Variants in DAPK1 observed in about 807,000 individuals in gnomAD.
The protein encoded by DAPK1 is death associated protein kinase 1.
A neutral mutation model predicts 144.9 loss-of-function variants in DAPK1; 56 were observed. That is an observed-to-expected ratio of 0.39 (90% CI 0.31 to 0.48). The LOEUF is 0.48. Among genes scored for constraint, DAPK1 ranks in the 20% least tolerant of loss-of-function variants. The probability of loss-of-function intolerance (pLI) is 0.95; values close to 1 mark genes in which losing one functional copy is unlikely to be tolerated. For missense variants in DAPK1, 1,454 were observed against 1,875.4 expected, an observed-to-expected ratio of 0.78 and a Z score of 4.15; for synonymous variants, 690 against 749.0, an observed-to-expected ratio of 0.92 and a Z score of 1.29.
chr9:87,618,106 G>T (rs1829164488), intron 3 of DAPK1, among the ~76,000 whole-genome samples: 1 of 152,170 alleles, frequency 6.6e-6, no homozygotes, highest in Non-Finnish European at 1.5e-5. Context: ...CTCTCCTGTT[G>T]AGCTCACCCC....
chr9:87,656,986 G>C (rs1020508139), intron 17 of DAPK1, among the ~76,000 whole-genome samples: 17 of 152,092 alleles, frequency 1.1e-4, no homozygotes, highest in African/African-American at 4.1e-4. Flanking sequence ...AGGTTGCTTG[G>C]ATTTTTAAAA....
intron 18 of DAPK1, among the ~76,000 whole-genome samples, chr9:87,667,189 A>C (rs1831090460): frequency 6.6e-6 from 1 of 152,218 alleles, no homozygotes; most frequent in Non-Finnish European, 1.5e-5. Context: ...GCAGTGTCTG[A>C]TAAGGCACCT....
intron 3 of DAPK1, among the ~76,000 whole-genome samples, chr9:87,629,781 T>C (rs574002981): frequency 6.6e-6 from 1 of 152,330 alleles, no homozygotes; most frequent in Non-Finnish European, 1.5e-5. Context: ...TTCAGTGTTA[T>C]CTGCTGTCCT....
intron 20 of DAPK1, among the ~76,000 whole-genome samples, chr9:87,682,408 T>C (rs770378378): frequency 6.6e-6 from 1 of 152,320 alleles, no homozygotes. Context: ...AAGAGTTTCC[T>C]AAACCAGGAC....
intron 24 of DAPK1, chr9:87,701,774 G>A (rs1377260847): frequency 2.2e-5 from 9 of 410,334 alleles, no homozygotes; most frequent in African/African-American, 4.3e-5. Flanking sequence ...TGTGCTTCCC[G>A]CACCAGATTC....
At chr9:87,677,803 C>T (rs773205753) in intron 19 of DAPK1, among the ~76,000 whole-genome samples, 8 of 152,170 alleles carry the variant, frequency 5.3e-5, no homozygotes, top group Non-Finnish European at 7.3e-5. Context: ...TAGCCTTGGA[C>T]TCACAAGGAA....
At chr9:87,600,414 C>CT (rs1173767442) in intron 2 of DAPK1, among the ~76,000 whole-genome samples, 1 of 152,082 alleles carries the variant, frequency 6.6e-6, no homozygotes, top group African/African-American at 2.4e-5. Context: ...GAGCGAGACT[C>CT]TATCTCTGCA....
intron 2 of DAPK1, among the ~76,000 whole-genome samples, chr9:87,571,256 C>T (rs1827319665): frequency 6.6e-6 from 1 of 152,012 alleles, no homozygotes; most frequent in African/African-American, 2.4e-5. Flanking sequence ...TTTCTCTCTG[C>T]AGAGTCAGCA....
intron 2 of DAPK1, among the ~76,000 whole-genome samples, chr9:87,499,997 T>C (rs1238678435): frequency 6.6e-6 from 1 of 152,124 alleles, no homozygotes; most frequent in Non-Finnish European, 1.5e-5. Context: ...GTGAGTGGAG[T>C]AGGCAAAAGG....
At chr9:87,649,018 C>G (rs1349369684) in intron 15 of DAPK1, 139 bp downstream of exon 15, 2 of 719,442 alleles carry the variant, frequency 2.8e-6, no homozygotes, top group Non-Finnish European at 4.7e-6. Flanking sequence ...GCTCAAGGGG[C>G]AGGGACTCAA....
rs1181397283 is a variant in DAPK1 at position 87,681,442 on chromosome 9, C to T, written c.2040C>T (p.Pro680=). 3 of 1,613,204 alleles carry T rather than the reference C, an allele frequency of 1.9e-6. No homozygotes were observed. The highest frequency in any genetic ancestry group is 2.5e-6 in the Non-Finnish European group (3 of 1,179,164). ...GACTCTTCATCCAGCAGCTCCGACCCACACAGAACCTGCAGCCAAGAATTA... is the reference window on the plus strand; with the variant it reads ...GACTCTTCATCCAGCAGCTCCGACCTACACAGAACCTGCAGCCAAGAATTA... ...HRGLFIQQLR[P]TQNLQPRIKL... is the part of the protein sequence containing the mutation. Residue 680 remains proline (P), a synonymous_variant, in exon 20 of 26, where the codon CCC becomes CCT. Coordinates refer to ENST00000408954, the MANE Select transcript of DAPK1 (RefSeq NM_004938.4).
At chr9:87,641,936 G>A (rs1232979439) in intron 9 of DAPK1, 33 bp from the exon 10 acceptor site, 8 of 1,556,684 alleles carry the variant, frequency 5.1e-6, no homozygotes, top group African/African-American at 1.4e-5. Context: ...TAATTTGAGA[G>A]CTTTAATTTT....
chr9:87,676,419 G>A (rs1824383619), intron 19 of DAPK1, among the ~76,000 whole-genome samples: 1 of 152,214 alleles, frequency 6.6e-6, no homozygotes, highest in Non-Finnish European at 1.5e-5. Context: ...CCCGCCATCT[G>A]GTAGTGAAAC....
At chr9:87,705,176 G>T (rs186881030) in intron 25 of DAPK1, among the ~76,000 whole-genome samples, 3 of 148,356 alleles carry the variant, frequency 2.0e-5, no homozygotes, top group African/African-American at 7.5e-5. Flanking sequence ...TAGAGAAGTT[G>T]CAAGGATAGT....
chr9:87,632,350 A>T (rs1343106816), intron 3 of DAPK1: 111 of 984,160 alleles, frequency 1.1e-4, no homozygotes, highest in Non-Finnish European at 1.3e-4. Context: ...ATGAGTACAT[A>T]TGTAGGGATG....
Position 87,512,245 on chromosome 9 carries a change from A to G in DAPK1, c.62+13106A>G, listed in dbSNP as rs538792287. 1.4e-4 allele frequency among the ~76,000 whole-genome samples: 21 copies of G among 152,220 alleles called. No individual in the cohort carries two copies. The South Asian group carries it at 4.1e-3, about 30-fold the overall frequency. ...GCTTAAAAGCCATCTTAAGTGGCCAAATAAGACACTGGGAATTTGATTAGG... is the reference window on the plus strand; with the variant it reads ...GCTTAAAAGCCATCTTAAGTGGCCAGATAAGACACTGGGAATTTGATTAGG... On this transcript the variant is annotated intron_variant, in intron 2 of 25. Transcript: ENST00000408954.
chr9:87,519,998 G>GT, intron 2 of DAPK1, among the ~76,000 whole-genome samples: 1 of 150,234 alleles, frequency 6.7e-6, no homozygotes, highest in Non-Finnish European at 1.5e-5. Flanking sequence ...TTTTTTTGTT[G>GT]TTGTTAATAA....
chr9:87,645,004 G>A (rs954529653), intron 11 of DAPK1, among the ~76,000 whole-genome samples: 3 of 152,164 alleles, frequency 2.0e-5, no homozygotes, highest in Non-Finnish European at 2.9e-5. Flanking sequence ...CATGAAAAGT[G>A]TTTGGATTCA....
chr9:87,515,550 G>A (rs1825018513), intron 2 of DAPK1, among the ~76,000 whole-genome samples: 3 of 152,194 alleles, frequency 2.0e-5, no homozygotes, highest in African/African-American at 4.8e-5. Flanking sequence ...TGGGAGCCAT[G>A]AGGAGGCAGA....
Sources: allele counts gnomAD v4.1 joint callset (sites outside exome capture counted in the v4.1 genomes callset), GRCh38; gene constraint gnomAD v4.1.1; transcripts MANE v1.5; gene names NCBI Gene and HGNC (gene_info 2026-07-23, HGNC 2026-07-21).